Variants in TCF7L2 observed in about 807,000 individuals in gnomAD.
TCF7L2 encodes the protein transcription factor 7 like 2.
Under a neutral mutation model 77.9 loss-of-function variants are expected in TCF7L2, and 23 were observed. That is an observed-to-expected ratio of 0.30 (90% confidence interval 0.21 to 0.42). The LOEUF is 0.42. TCF7L2 is among the 10% of genes least tolerant of loss of function. The pLI, the probability that TCF7L2 is intolerant of heterozygous loss-of-function variation, is 1.00. For missense variants in TCF7L2, 654 were observed against 793.1 expected (o/e 0.82, Z 2.11); for synonymous variants, 413 against 340.2 (o/e 1.21, Z -2.36).
At chr10:113,024,196 G>T (rs147243683) in intron 4 of TCF7L2, among the ~76,000 whole-genome samples, 1 of 152,076 alleles carries the variant, frequency 6.6e-6, no homozygotes, top group Non-Finnish European at 1.5e-5. Flanking sequence ...TACTCAAGAA[G>T]ATGAGGCAGG....
chr10:113,163,635 A>G (rs2073550616), intron 13 of TCF7L2, among the ~76,000 whole-genome samples: 1 of 152,156 alleles, frequency 6.6e-6, no homozygotes, highest in Admixed American at 6.5e-5. Context: ...GGATGGAAGC[A>G]GAACCCATAG....
chr10:113,138,668 G>T (rs989898097), intron 5 of TCF7L2, among the ~76,000 whole-genome samples: 1 of 152,282 alleles, frequency 6.6e-6, no homozygotes, highest in East Asian at 1.9e-4. Flanking sequence ...CATGTGCTAG[G>T]TTCTGTGCTA....
chr10:113,137,951 G>A (rs149851054), intron 5 of TCF7L2, among the ~76,000 whole-genome samples: 188 of 152,324 alleles, frequency 1.2e-3, no homozygotes, highest in African/African-American at 4.1e-3. Context: ...TCTGGGGTCT[G>A]AGGCCGGAGA....
In TCF7L2 at chr10:112,956,344, CTTTTTTTT is replaced by C. The variant is rs10711698; in HGVS notation, c.381+4753_381+4760del. Among the ~76,000 whole-genome samples, 966 of 112,238 alleles carry C rather than the reference CTTTTTTTT, an allele frequency of 8.6e-3. 15 individuals are homozygous for C. The highest frequency in any genetic ancestry group is 0.031 in the African/African-American group (914 of 29,426). 73.6% of individuals were successfully genotyped at this position (112,238 alleles called of 152,430 possible). Reference sequence around the variant, plus strand: ...AGATTTCAGGCAAGGAGTGATTTACCTTTTTTTTTTTTTTTTTTTTTTTAAATGCTGGA... The same window carrying C: ...AGATTTCAGGCAAGGAGTGATTTACCTTTTTTTTTTTTTTTAAATGCTGGA... On this transcript the variant is annotated intron_variant, in intron 3 of 13. Transcript: ENST00000627217.
chr10:113,008,074 G>A (rs1467481351), intron 4 of TCF7L2, among the ~76,000 whole-genome samples: 2 of 152,198 alleles, frequency 1.3e-5, no homozygotes, highest in Non-Finnish European at 2.9e-5. Flanking sequence ...AAGTGAAAGC[G>A]ACCCATCGTC....
At chr10:112,966,444 G>T (rs911292278) in intron 4 of TCF7L2, among the ~76,000 whole-genome samples, 3 of 151,898 alleles carry the variant, frequency 2.0e-5, no homozygotes, top group Non-Finnish European at 4.4e-5. Flanking sequence ...CTTTAGGTGC[G>T]GGACTTGGTT....
intron 5 of TCF7L2, among the ~76,000 whole-genome samples, chr10:113,060,656 A>T (rs1340228506): frequency 6.6e-6 from 1 of 151,720 alleles, no homozygotes; most frequent in African/African-American, 2.4e-5. Context: ...CTAGAGCACA[A>T]CTCCCCAGCC....
At chr10:113,111,475 C>T (rs1780100945) in intron 5 of TCF7L2, among the ~76,000 whole-genome samples, 1 of 152,180 alleles carries the variant, frequency 6.6e-6, no homozygotes, top group Admixed American at 6.5e-5. Flanking sequence ...GCAATAATTC[C>T]TCCTCCTCAT....
At chr10:112,954,415 A>G (rs1267497864) in intron 3 of TCF7L2, among the ~76,000 whole-genome samples, 1 of 152,230 alleles carries the variant, frequency 6.6e-6, no homozygotes, top group Non-Finnish European at 1.5e-5. Flanking sequence ...GATGAATAAT[A>G]CATTATCTCA....
intron 4 of TCF7L2, among the ~76,000 whole-genome samples, chr10:112,984,718 G>A (rs974579580): frequency 1.3e-4 from 20 of 152,022 alleles, no homozygotes; most frequent in African/African-American, 4.8e-4. Flanking sequence ...TGAAGTTAGG[G>A]GCCCAGGAGC....
At chr10:112,958,701 C>A (rs563968915) in intron 3 of TCF7L2, among the ~76,000 whole-genome samples, 1 of 152,156 alleles carries the variant, frequency 6.6e-6, no homozygotes, top group South Asian at 2.1e-4. Flanking sequence ...TAGTAAAATG[C>A]TTAAAAAATT....
intron 4 of TCF7L2, among the ~76,000 whole-genome samples, chr10:112,992,322 G>A (rs888510495): frequency 1.3e-5 from 2 of 152,172 alleles, no homozygotes; most frequent in African/African-American, 2.4e-5. Context: ...ATTCCATTCC[G>A]CACGCCACCC....
At chr10:112,961,691 A>T (rs1314698408) in intron 3 of TCF7L2, among the ~76,000 whole-genome samples, 3 of 152,202 alleles carry the variant, frequency 2.0e-5, no homozygotes, top group Non-Finnish European at 4.4e-5. Context: ...GTGAGCTTGG[A>T]AATCTCTCCA....
At chr10:113,037,622 G>A (rs1406639997) in intron 4 of TCF7L2, among the ~76,000 whole-genome samples, 1 of 152,196 alleles carries the variant, frequency 6.6e-6, no homozygotes, top group Admixed American at 6.5e-5. Context: ...AAGTCTCCAT[G>A]TTAATATTGT....
intron 13 of TCF7L2, chr10:113,161,721 A>C (rs1285498747): frequency 1.6e-5 from 18 of 1,127,822 alleles, no homozygotes; most frequent in Non-Finnish European, 2.2e-5. Flanking sequence ...TCAGATGTGC[A>C]TCCCATTACG....
intron 4 of TCF7L2, among the ~76,000 whole-genome samples, chr10:112,976,577 G>A (rs796888015): frequency 3.3e-5 from 5 of 152,288 alleles, no homozygotes; most frequent in African/African-American, 1.2e-4. Context: ...TGTACAACTA[G>A]GGGTGTGAAT....
In TCF7L2 at chr10:113,012,446, A is replaced by G. The variant is rs2046621767; in HGVS notation, c.451-27579A>G. Among the ~76,000 whole-genome samples the G allele has an allele frequency of 2.0e-5, 3 of 152,174 alleles. No individual in the cohort carries two copies. The South Asian group carries it at 6.2e-4, about 32-fold the overall frequency. On this transcript the variant is annotated intron_variant, in intron 4 of 13. Coordinates refer to ENST00000627217, the MANE Select transcript of TCF7L2 (RefSeq NM_001146274.2). ...GTGGTGGGTTCTAGGGGTTCAGAGG[A>G]CAGCAGTGTGCTGCTAGGATGGTGG... is the stretch of plus-strand genomic sequence containing the variant.
At chr10:112,987,068 C>T (rs971256943) in intron 4 of TCF7L2, among the ~76,000 whole-genome samples, 2 of 152,146 alleles carry the variant, frequency 1.3e-5, no homozygotes, top group Non-Finnish European at 1.5e-5. Context: ...GCACTGGAAA[C>T]GACAACCCGA....
At chr10:112,993,830 G>T (rs576694353) in intron 4 of TCF7L2, among the ~76,000 whole-genome samples, 2 of 152,296 alleles carry the variant, frequency 1.3e-5, no homozygotes, top group East Asian at 1.9e-4. Context: ...GCCAAGGCGG[G>T]CGGATCTTGA....
Sources: gnomAD v4.1 joint callset for allele counts (sites outside exome capture counted in the v4.1 genomes callset) on GRCh38, gnomAD v4.1.1 for gene constraint, MANE v1.5 for transcripts, NCBI Gene and HGNC (gene_info 2026-07-23, HGNC 2026-07-21) for gene names.